Variants in PRKG2 observed in about 807,000 individuals in gnomAD.
PRKG2 encodes protein kinase cGMP-dependent 2.
Under a neutral mutation model 97.2 loss-of-function variants are expected in PRKG2, and 33 were observed. The observed-to-expected ratio is 0.34, with a 90% CI of 0.26 to 0.45. The LOEUF (loss-of-function observed/expected upper bound fraction) is 0.45. PRKG2 is among the 20% of genes least tolerant of loss of function. PRKG2 has a pLI of 1.00. For synonymous variants in PRKG2, 330 were observed against 321.8 expected, an observed-to-expected ratio of 1.03 and a Z score of -0.27; for missense variants, 638 against 900.0, an observed-to-expected ratio of 0.71 and a Z score of 3.73.
chr4:81,092,547 T>C, intron 17 of PRKG2, 95 bp from the exon 18 acceptor site: 1 of 780,250 alleles, frequency 1.3e-6, no homozygotes, highest in South Asian at 1.8e-5. Flanking sequence ...GGAATATTAC[T>C]TGGATGATAA....
chr4:81,111,032 T>C (rs952434932), intron 14 of PRKG2, among the ~76,000 whole-genome samples: 1 of 151,968 alleles, frequency 6.6e-6, no homozygotes, highest in African/African-American at 2.4e-5. Context: ...GATGGACACC[T>C]GAGCAAGTAA....
At chr4:81,102,402 T>A (rs941301179) in intron 17 of PRKG2, among the ~76,000 whole-genome samples, 2 of 152,204 alleles carry the variant, frequency 1.3e-5, no homozygotes, top group Admixed American at 1.3e-4. Context: ...GAATGTATAT[T>A]GGAAGAATGG....
chr4:81,122,209 C>A (rs60074402), intron 14 of PRKG2, among the ~76,000 whole-genome samples: 6,920 of 152,164 alleles, frequency 0.045, 554 homozygotes, highest in African/African-American at 0.16. Context: ...CTTTTAAATT[C>A]TTTAAGTATT....
intron 2 of PRKG2, among the ~76,000 whole-genome samples, chr4:81,179,433 A>G (rs1027437335): frequency 6.6e-6 from 1 of 152,204 alleles, no homozygotes; most frequent in African/African-American, 2.4e-5. Flanking sequence ...TACCCAGTGA[A>G]AATCACCTTC....
At chr4:81,090,882 C>A (rs916422682) in intron 18 of PRKG2, among the ~76,000 whole-genome samples, 1 of 152,112 alleles carries the variant, frequency 6.6e-6, no homozygotes, top group Admixed American at 6.6e-5. Context: ...TAAATAATAT[C>A]TATCCATAGA....
At chr4:81,115,849 T>G (rs1414682175) in intron 14 of PRKG2, among the ~76,000 whole-genome samples, 1 of 152,190 alleles carries the variant, frequency 6.6e-6, no homozygotes, top group Non-Finnish European at 1.5e-5. Context: ...AATTTTTACG[T>G]TTCTCAATAA....
chr4:81,108,532 T>C lies in PRKG2; in HGVS notation c.1940+1916A>G, dbSNP rs552980947. 5.9e-4 allele frequency among the ~76,000 whole-genome samples: 90 copies of C among 151,902 alleles called. 1 individual carries two copies. Among genetic ancestry groups the C allele is most frequent in the African/African-American group, 2.0e-3 (84 of 41,376 alleles). ...CTCCTATGCTCTGGAGTTCAGGGCATTTAAAGTTAACCTTTCTCATGCCCT... is the reference window on the plus strand; with the variant it reads ...CTCCTATGCTCTGGAGTTCAGGGCACTTAAAGTTAACCTTTCTCATGCCCT... On this transcript the variant is annotated intron_variant, in intron 15 of 18. Coordinates refer to ENST00000264399, the MANE Select transcript of PRKG2 (RefSeq NM_006259.3).
intron 1 of PRKG2, among the ~76,000 whole-genome samples, chr4:81,211,233 C>T (rs759244640): frequency 3.3e-5 from 5 of 152,156 alleles, no homozygotes; most frequent in Non-Finnish European, 7.4e-5. Context: ...ACTTGTAACA[C>T]ATGTACCATA....
At position 81,169,725 on chromosome 4, in the gene PRKG2, G is replaced by T. The variant is rs1192148070; in HGVS notation, c.786C>A (p.Phe262Leu). 1 of 1,609,506 alleles carries T rather than the reference G, an allele frequency of 6.2e-7. No homozygotes were observed. The highest frequency in any genetic ancestry group is 1.1e-5 in the South Asian group (1 of 90,426). ...VKTWALDREV[F>L]QNIMRRTAQA... Reference sequence around the variant, plus strand: ...GGGCTGTCCTCCTCATTATATTCTGGAATACCTCTCGATCTAGTGCCCATG... The same window carrying T: ...GGGCTGTCCTCCTCATTATATTCTGTAATACCTCTCGATCTAGTGCCCATG... The change falls in exon 5 of 19, where the codon TTC becomes TTA. Residue 262 changes from phenylalanine (F) to leucine (L), a missense_variant. By Grantham distance (22) the Phe-to-Leu change is conservative (BLOSUM62 0). Coordinates refer to ENST00000264399, the MANE Select transcript of PRKG2 (RefSeq NM_006259.3).
At chr4:81,193,221 T>C (rs1450455264) in intron 2 of PRKG2, 2 of 152,144 alleles carry the variant, frequency 1.3e-5, no homozygotes, top group Admixed American at 1.3e-4. Context: ...TATATCTACA[T>C]GCAATTAGAA....
chr4:81,156,076 A>G (rs1363599111), intron 6 of PRKG2, among the ~76,000 whole-genome samples: 5 of 152,214 alleles, frequency 3.3e-5, no homozygotes, highest in Admixed American at 3.3e-4. Context: ...TTCACACATA[A>G]CAATGTTAAC....
intron 14 of PRKG2, among the ~76,000 whole-genome samples, chr4:81,123,836 C>T (rs183074842): frequency 2.2e-4 from 33 of 151,988 alleles, no homozygotes; most frequent in Admixed American, 4.6e-4. Context: ...TTTCTGTTTC[C>T]TTTGCGGCCT....
chr4:81,156,617 C>G (rs1450722068), intron 6 of PRKG2, among the ~76,000 whole-genome samples: 1 of 152,184 alleles, frequency 6.6e-6, no homozygotes, highest in South Asian at 2.1e-4. Context: ...CCCAAATCAA[C>G]AGAATATACA....
intron 2 of PRKG2, among the ~76,000 whole-genome samples, chr4:81,202,590 G>A (rs1303203002): frequency 6.6e-6 from 1 of 152,096 alleles, no homozygotes; most frequent in African/African-American, 2.4e-5. Flanking sequence ...ACACAGACTT[G>A]TATCCACTTG....
chr4:81,204,332 AG>A (rs993348980), intron 2 of PRKG2, among the ~76,000 whole-genome samples: 4 of 152,030 alleles, frequency 2.6e-5, no homozygotes, highest in Admixed American at 6.6e-5. Flanking sequence ...TCACACCCCT[AG>A]GGTTTTCAAG....
intron 3 of PRKG2, 69 bp downstream of exon 3, chr4:81,174,724 T>A (rs1170821700): frequency 7.0e-7 from 1 of 1,438,656 alleles, no homozygotes; most frequent in East Asian, 2.3e-5. Context: ...TATGTTTTTA[T>A]AAATGTTTGC....
chr4:81,126,737 T>TG (rs1306339832), intron 14 of PRKG2, among the ~76,000 whole-genome samples: 1 of 152,196 alleles, frequency 6.6e-6, no homozygotes, highest in Non-Finnish European at 1.5e-5. Context: ...TTCTTGTAAA[T>TG]TTTTTTAAGT....
At chr4:81,159,073 C>G (rs1001668360) in intron 6 of PRKG2, among the ~76,000 whole-genome samples, 2 of 152,102 alleles carry the variant, frequency 1.3e-5, no homozygotes, top group African/African-American at 2.4e-5. Context: ...GTCTAAAACA[C>G]CAAAAGCAAT....
chr4:81,185,236 G>A (rs1751765853), intron 2 of PRKG2, among the ~76,000 whole-genome samples: 2 of 152,090 alleles, frequency 1.3e-5, no homozygotes, highest in South Asian at 4.1e-4. Flanking sequence ...AGAAAGGTCG[G>A]GTTACTCACA....
Sources: allele counts gnomAD v4.1 joint callset (sites outside exome capture counted in the v4.1 genomes callset), GRCh38; gene constraint gnomAD v4.1.1; transcripts MANE v1.5; gene names NCBI Gene and HGNC (gene_info 2026-07-23, HGNC 2026-07-21).